CNTN3: variants seen among roughly 807,000 people sequenced by gnomAD.
CNTN3 encodes contactin-3.
CNTN3 carries 60 observed loss-of-function variants against 119.1 expected under a neutral mutation model. The ratio of observed to expected loss-of-function variants is 0.50; its 90% CI spans 0.41 to 0.62. CNTN3 has a LOEUF of 0.62. Among genes scored for constraint, CNTN3 ranks in the 20% least tolerant of loss-of-function variants. The pLI is 0.00. For missense variants in CNTN3, 1,101 were observed against 1,242.4 expected (o/e 0.89, Z 1.71); for synonymous variants, 450 against 438.7 (o/e 1.03, Z -0.32).
At chr3:74,479,467 G>A (rs184541212) in intron 4 of CNTN3, among the ~76,000 whole-genome samples, 2 of 152,084 alleles carry the variant, frequency 1.3e-5, no homozygotes, top group Non-Finnish European at 1.5e-5. Context: ...TTAGCAAGGC[G>A]AAGTATCTTC....
chr3:74,545,224 T>G (rs1332568368), intron 1 of CNTN3, among the ~76,000 whole-genome samples: 1 of 152,218 alleles, frequency 6.6e-6, no homozygotes, highest in Non-Finnish European at 1.5e-5. Context: ...GGATGTCTAT[T>G]ATTTGTTTTT....
Position 74,583,892 on chromosome 3 carries a change from T to C in CNTN3, c.-81+30499A>G, listed in dbSNP as rs190540892. Among the ~76,000 whole-genome samples the C allele has an allele frequency of 1.8e-3, 277 of 152,326 alleles. 5 individuals are homozygous for C. Among genetic ancestry groups the C allele is most frequent in the Admixed American group, 0.018 (272 of 15,300 alleles). On this transcript the variant is annotated intron_variant, in intron 1 of 22. Transcript: ENST00000263665. ...GCAGTTGTTCCAAGCATAGGCTTTA[T>C]ATATAGACAGACCTAACTTCTGGCC... is the stretch of plus-strand genomic sequence containing the variant.
At chr3:74,339,559 C>T (rs1329514641) in intron 11 of CNTN3, among the ~76,000 whole-genome samples, 3 of 152,124 alleles carry the variant, frequency 2.0e-5, no homozygotes, top group East Asian at 1.9e-4. Flanking sequence ...TAGCACCCAT[C>T]GAGTGTCCAA....
At chr3:74,557,666 G>C (rs79867448) in intron 1 of CNTN3, among the ~76,000 whole-genome samples, 5,643 of 147,214 alleles carry the variant, frequency 0.038, 137 homozygotes, top group South Asian at 0.07. Context: ...ACACGATTAA[G>C]TTTTATGCCA....
At chr3:74,566,576 T>C (rs1028610515) in intron 1 of CNTN3, among the ~76,000 whole-genome samples, 1 of 152,134 alleles carries the variant, frequency 6.6e-6, no homozygotes, top group Admixed American at 6.6e-5. Flanking sequence ...TGCCTCTGTC[T>C]TCACATGGTC....
At position 74,527,705 on chromosome 3, in the gene CNTN3, C is replaced by T. The variant is rs149980578; in HGVS notation, c.-80-6513G>A. Among the ~76,000 whole-genome samples, 436 of 152,040 alleles carry T rather than the reference C, an allele frequency of 2.9e-3. 4 individuals are homozygous for T. Among genetic ancestry groups the T allele is most frequent in the Admixed American group, 0.019 (285 of 15,250 alleles). ...ACTTTACAAAGGGTTTGCTTCAATGCTCTTGCTTTGCTTTAAACCTCAAAT... is the reference window on the plus strand; with the variant it reads ...ACTTTACAAAGGGTTTGCTTCAATGTTCTTGCTTTGCTTTAAACCTCAAAT... On this transcript the variant is annotated intron_variant, in intron 1 of 22. Transcript: ENST00000263665.
chr3:74,406,835 T>A (rs923410549), intron 5 of CNTN3, among the ~76,000 whole-genome samples: 4 of 152,166 alleles, frequency 2.6e-5, no homozygotes, highest in Non-Finnish European at 5.9e-5. Context: ...TGCTAGTAAT[T>A]ATTTTGTTTC....
intron 1 of CNTN3, among the ~76,000 whole-genome samples, chr3:74,609,250 T>C (rs1705041396): frequency 1.3e-5 from 2 of 152,210 alleles, no homozygotes; most frequent in African/African-American, 2.4e-5. Context: ...CTCTATGCAG[T>C]GGGTGTCCAG....
intron 2 of CNTN3, among the ~76,000 whole-genome samples, chr3:74,503,321 AT>A (rs1162216288): frequency 6.6e-6 from 1 of 152,128 alleles, no homozygotes; most frequent in Non-Finnish European, 1.5e-5. Context: ...TGAGGCACAT[AT>A]CTGCCATCTC....
At chr3:74,339,266 C>G (rs1703472904) in intron 11 of CNTN3, among the ~76,000 whole-genome samples, 1 of 152,040 alleles carries the variant, frequency 6.6e-6, no homozygotes, top group Non-Finnish European at 1.5e-5. Context: ...CTGGGAGATA[C>G]AGACTATATC....
intron 4 of CNTN3, among the ~76,000 whole-genome samples, chr3:74,472,349 C>T (rs1455473791): frequency 1.3e-5 from 2 of 152,180 alleles, no homozygotes; most frequent in East Asian, 3.9e-4. Context: ...CCTTAAAAAC[C>T]TAAGAATAGG....
intron 1 of CNTN3, among the ~76,000 whole-genome samples, chr3:74,524,729 C>A (rs1292626167): frequency 6.6e-6 from 1 of 151,790 alleles, no homozygotes; most frequent in Non-Finnish European, 1.5e-5. Flanking sequence ...TGGAGCCAAC[C>A]AAAAGGCTCA....
At chr3:74,358,600 TA>T (rs1704000225) in intron 11 of CNTN3, among the ~76,000 whole-genome samples, 1 of 148,186 alleles carries the variant, frequency 6.7e-6, no homozygotes. Context: ...TTTTTTGATT[TA>T]TTTATTTATT....
At chr3:74,588,445 G>T (rs1462049325) in intron 1 of CNTN3, among the ~76,000 whole-genome samples, 1 of 151,986 alleles carries the variant, frequency 6.6e-6, no homozygotes, top group Non-Finnish European at 1.5e-5. Flanking sequence ...ACTGCTCAAG[G>T]AAATAAAAGA....
At chr3:74,317,604 T>C (rs1258692697) in intron 13 of CNTN3, among the ~76,000 whole-genome samples, 3 of 152,102 alleles carry the variant, frequency 2.0e-5, no homozygotes, top group Non-Finnish European at 2.9e-5. Context: ...TGAAGCTTAG[T>C]TTGGCTGGAT....
chr3:74,439,122 C>T (rs1393075430), intron 4 of CNTN3, among the ~76,000 whole-genome samples: 1 of 152,056 alleles, frequency 6.6e-6, no homozygotes, highest in Admixed American at 6.6e-5. Context: ...AGAGGGACAT[C>T]AAAGATTATT....
At chr3:74,291,221 G>C (rs1349080962) in intron 19 of CNTN3, among the ~76,000 whole-genome samples, 6 of 152,222 alleles carry the variant, frequency 3.9e-5, no homozygotes, top group Non-Finnish European at 1.5e-5. Flanking sequence ...CCCTACAAAG[G>C]ACATGAACTC....
At chr3:74,552,586 C>T (rs1325260788) in intron 1 of CNTN3, among the ~76,000 whole-genome samples, 1 of 152,126 alleles carries the variant, frequency 6.6e-6, no homozygotes, top group African/African-American at 2.4e-5. Flanking sequence ...TATTTTCAAT[C>T]TGTAATATCT....
At chr3:74,277,641 A>AC (rs1701907450) in intron 20 of CNTN3, among the ~76,000 whole-genome samples, 1 of 152,182 alleles carries the variant, frequency 6.6e-6, no homozygotes, top group African/African-American at 2.4e-5. Flanking sequence ...GCCATCTATG[A>AC]CAACCCCACA....
Sources: allele counts gnomAD v4.1 joint callset (sites outside exome capture counted in the v4.1 genomes callset), GRCh38; gene constraint gnomAD v4.1.1; transcripts MANE v1.5; gene names NCBI Gene and HGNC (gene_info 2026-07-23, HGNC 2026-07-21).